The following NKAIN2 variants were observed in gnomAD, a reference collection of about 807,000 sequenced individuals.
NKAIN2 encodes the protein sodium/potassium transporting ATPase interacting 2.
NKAIN2 carries 14 observed loss-of-function variants against 32.6 expected under a neutral mutation model. The ratio of observed to expected loss-of-function variants is 0.43; its 90% CI spans 0.28 to 0.67. NKAIN2 has a LOEUF of 0.67. Among genes scored for constraint, NKAIN2 ranks in the 30% least tolerant of loss-of-function variants. The probability of loss-of-function intolerance (pLI) is 0.17; values close to 1 mark genes in which losing one functional copy is unlikely to be tolerated. For synonymous variants in NKAIN2, 80 were observed against 87.2 expected (o/e 0.92, Z 0.46); for missense variants, 198 against 258.3 (o/e 0.77, Z 1.60).
At chr6:124,227,525 T>A (rs1021562474) in intron 1 of NKAIN2, among the ~76,000 whole-genome samples, 4 of 152,200 alleles carry the variant, frequency 2.6e-5, no homozygotes, top group Non-Finnish European at 5.9e-5. Flanking sequence ...CAAACACTCT[T>A]AAATTAAAGG....
intron 2 of NKAIN2, among the ~76,000 whole-genome samples, chr6:124,297,031 T>C (rs1796084298): frequency 6.6e-6 from 1 of 152,184 alleles, no homozygotes; most frequent in African/African-American, 2.4e-5. Context: ...ATTTTCTCTC[T>C]CATAAATGAT....
intron 3 of NKAIN2, among the ~76,000 whole-genome samples, chr6:124,531,833 G>A (rs980307394): frequency 3.9e-5 from 6 of 152,118 alleles, no homozygotes; most frequent in Non-Finnish European, 4.4e-5. Flanking sequence ...ACCATGCCCA[G>A]CTAATTTTTG....
At chr6:124,721,954 T>C (rs923761385) in intron 4 of NKAIN2, among the ~76,000 whole-genome samples, 2 of 152,230 alleles carry the variant, frequency 1.3e-5, no homozygotes. Context: ...TGAAATTCTA[T>C]GCCCATAAAA....
chr6:124,696,849 C>T (rs949419335), intron 4 of NKAIN2, among the ~76,000 whole-genome samples: 2 of 151,128 alleles, frequency 1.3e-5, no homozygotes, highest in African/African-American at 4.9e-5. Flanking sequence ...GAACTTGTTC[C>T]ACAGTTGAAA....
chr6:124,725,462 A>C (rs571799946), intron 4 of NKAIN2, among the ~76,000 whole-genome samples: 4 of 152,128 alleles, frequency 2.6e-5, no homozygotes, highest in Non-Finnish European at 5.9e-5. Flanking sequence ...GAATATTCCT[A>C]AGCCCTGTTC....
intron 2 of NKAIN2, among the ~76,000 whole-genome samples, chr6:124,308,703 T>C (rs2114994765): frequency 6.6e-6 from 1 of 152,308 alleles, no homozygotes; most frequent in South Asian, 2.1e-4. Context: ...ACCCATTTTA[T>C]GGTGCTAGTT....
At chr6:123,868,329 A>T (rs1334314423) in intron 1 of NKAIN2, among the ~76,000 whole-genome samples, 2 of 152,212 alleles carry the variant, frequency 1.3e-5, no homozygotes, top group Non-Finnish European at 2.9e-5. Context: ...AAGTAAAATG[A>T]CCAAATAAAT....
chr6:124,239,465 C>T (rs1792956850), intron 1 of NKAIN2, among the ~76,000 whole-genome samples: 1 of 152,168 alleles, frequency 6.6e-6, no homozygotes, highest in Admixed American at 6.6e-5. Flanking sequence ...CCACGTCACA[C>T]TTATTCTAAA....
chr6:124,511,031 T>C (rs1035630816), intron 3 of NKAIN2, among the ~76,000 whole-genome samples: 1 of 152,208 alleles, frequency 6.6e-6, no homozygotes, highest in Non-Finnish European at 1.5e-5. Flanking sequence ...TATATTCTGA[T>C]AACTATGTGC....
At chr6:124,306,379 T>A (rs1429065295) in intron 2 of NKAIN2, among the ~76,000 whole-genome samples, 1 of 152,164 alleles carries the variant, frequency 6.6e-6, no homozygotes, top group East Asian at 1.9e-4. Flanking sequence ...ATATCTGATA[T>A]ACATTAGAAA....
chr6:123,959,208 A>G (rs750201641), intron 1 of NKAIN2, among the ~76,000 whole-genome samples: 1 of 152,184 alleles, frequency 6.6e-6, no homozygotes, highest in African/African-American at 2.4e-5. Context: ...GAACCATTTA[A>G]TCCGTTGAAG....
intron 2 of NKAIN2, among the ~76,000 whole-genome samples, chr6:124,330,319 C>T (rs1340695104): frequency 1.3e-5 from 2 of 152,126 alleles, no homozygotes; most frequent in African/African-American, 4.8e-5. Context: ...TGGAGATTTG[C>T]ATACAAGCAA....
intron 3 of NKAIN2, among the ~76,000 whole-genome samples, chr6:124,504,237 C>T (rs1028284111): frequency 2.0e-5 from 3 of 152,126 alleles, no homozygotes; most frequent in African/African-American, 7.2e-5. Context: ...GTGATTCCTT[C>T]ATTAATAAAC....
intron 1 of NKAIN2, among the ~76,000 whole-genome samples, chr6:123,863,801 T>C (rs1470964143): frequency 6.6e-6 from 1 of 152,152 alleles, no homozygotes; most frequent in Non-Finnish European, 1.5e-5. Context: ...CTCCTCTTCC[T>C]CTCCTGTCCA....
At chr6:124,399,822 G>A (rs1398423024) in intron 3 of NKAIN2, among the ~76,000 whole-genome samples, 1 of 152,108 alleles carries the variant, frequency 6.6e-6, no homozygotes, top group Non-Finnish European at 1.5e-5. Flanking sequence ...GGATCATTAG[G>A]GAGACAAACA....
chr6:123,852,628 TGACTGGATAAAG>T (rs1374327534), intron 1 of NKAIN2, among the ~76,000 whole-genome samples: 2 of 152,214 alleles, frequency 1.3e-5, no homozygotes, highest in African/African-American at 4.8e-5. Flanking sequence ...CAATGGATGA[TGACTGGATAAAG>T]AAAACGTGGA....
chr6:124,563,287 T>C (rs1780776628), intron 3 of NKAIN2, among the ~76,000 whole-genome samples: 2 of 152,216 alleles, frequency 1.3e-5, no homozygotes, highest in Non-Finnish European at 2.9e-5. Context: ...AAGATCTGAA[T>C]ACCTGGATAA....
chr6:124,663,693 T>C (rs1203049911), intron 4 of NKAIN2, among the ~76,000 whole-genome samples: 1 of 152,208 alleles, frequency 6.6e-6, no homozygotes, highest in Non-Finnish European at 1.5e-5. Flanking sequence ...CTTGGTAGTA[T>C]TTTTGGTGTA....
At chr6:123,986,121 A>G (rs1047886836) in intron 1 of NKAIN2, among the ~76,000 whole-genome samples, 1 of 152,164 alleles carries the variant, frequency 6.6e-6, no homozygotes, top group African/African-American at 2.4e-5. Flanking sequence ...ATAAGGAAAC[A>G]CTTTAAACAT....
Sources: gnomAD v4.1 joint callset for allele counts (sites outside exome capture counted in the v4.1 genomes callset) on GRCh38, gnomAD v4.1.1 for gene constraint, MANE v1.5 for transcripts, NCBI Gene and HGNC (gene_info 2026-07-23, HGNC 2026-07-21) for gene names.